FAM234A: variants seen among roughly 807,000 people sequenced by gnomAD.
The protein encoded by FAM234A is protein FAM234A.
In FAM234A, 42 loss-of-function variants were observed where a neutral mutation model predicts 49.1. The observed-to-expected ratio is 0.86, with a 90% confidence interval of 0.67 to 1.11. The LOEUF is 1.11. FAM234A is among the 50% of genes least tolerant of loss of function. The pLI is 0.00. For synonymous variants in FAM234A, 369 were observed against 316.2 expected, an observed-to-expected ratio of 1.17 and a Z score of -1.77; for missense variants, 815 against 745.2, an observed-to-expected ratio of 1.09 and a Z score of -1.09.
At chr16:269,421 C>G (rs757266553), downstream of FAM234A, 3 of 1,590,252 alleles carry the variant, frequency 1.9e-6, no homozygotes, top group South Asian at 3.4e-5. Flanking sequence ...GGCTGGCCAG[C>G]TGGTGTCCTG....
downstream of FAM234A, chr16:269,026 C>T: frequency 7.8e-7 from 1 of 1,289,210 alleles, no homozygotes; most frequent in Non-Finnish European, 1.1e-6. Flanking sequence ...CTGCCCTGAC[C>T]CAAGCTGAGC....
intron 2 of FAM234A, among the ~76,000 whole-genome samples, chr16:251,378 T>G (rs183637761): frequency 1.4e-4 from 22 of 152,218 alleles, no homozygotes; most frequent in African/African-American, 3.9e-4. Context: ...GGTTTTTTTT[T>G]GTTTTGTTTT....
At chr16:249,986 C>T (rs997691999) in intron 2 of FAM234A, among the ~76,000 whole-genome samples, 7 of 152,156 alleles carry the variant, frequency 4.6e-5, no homozygotes, top group African/African-American at 1.7e-4. Context: ...CGCTCTGTCG[C>T]CCAGGCTGGA....
chr16:263,573 C>T (rs1332668580), intron 9 of FAM234A, 127 bp from the exon 10 acceptor site: 21 of 1,275,036 alleles, frequency 1.6e-5, no homozygotes, highest in Non-Finnish European at 2.1e-5. Flanking sequence ...GACGTCGGCT[C>T]CGTGTCCTGG....
intron 11 of FAM234A, 107 bp downstream of exon 11, chr16:264,278 C>T (rs1275694040): frequency 2.5e-6 from 3 of 1,207,982 alleles, no homozygotes; most frequent in Non-Finnish European, 3.4e-6. Context: ...TGGGCAACCT[C>T]ACATAAGTTG....
At position 262,176 on chromosome 16, in the gene FAM234A, C is replaced by T. The variant is rs773019910; in HGVS notation, c.792C>T (p.Phe264=). 2.4e-5 allele frequency: 38 copies of T among 1,613,848 alleles called. No homozygotes were observed. Among genetic ancestry groups the T allele is most frequent in the Non-Finnish European group, 2.8e-5 (33 of 1,180,038 alleles). The stretch of plus-strand genomic sequence containing the variant: ...TTGGTGTGGACGGGGAAAGTGGCTT[C>T]CTCCTTCACGTCACCAGGACAGGTG... ...GSLGVDGESG[F]LLHVTRTGAH... Residue 264 remains phenylalanine, a synonymous_variant, in exon 7 of 13, where the codon TTC becomes TTT. Transcript: ENST00000399932.
chr16:245,614 G>A (rs2050777560), intron 1 of FAM234A, among the ~76,000 whole-genome samples: 1 of 152,014 alleles, frequency 6.6e-6, no homozygotes, highest in African/African-American at 2.4e-5. Flanking sequence ...TGGAAGAATT[G>A]TCTTGGGCCA....
chr16:239,550 G>A (rs1259805467), intron 1 of FAM234A, among the ~76,000 whole-genome samples: 3 of 150,240 alleles, frequency 2.0e-5, no homozygotes, highest in African/African-American at 4.9e-5. Context: ...AGGAGGCGGA[G>A]CTTGCAATGA....
At position 254,818 on chromosome 16, in the gene FAM234A, A is replaced by G. The variant is rs1282028709; in HGVS notation, c.268+137A>G. The G allele has an allele frequency of 1.7e-5, 15 of 869,692 alleles. No homozygotes were observed. The Admixed American group carries it at 2.9e-4, about 17-fold the overall frequency. 53.9% of individuals were successfully genotyped at this position (869,692 alleles called of 1,614,324 possible). A position where few individuals can be genotyped will look rare whatever the true frequency, so the allele number is the denominator to read the frequency against. ...TCAATCCCAAGAGGCTGCCAGTTCT[A>G]TGTCCAAGGTTTTCCCGGAGTTTTA... On this transcript the variant is annotated intron_variant, in intron 3 of 12. Coordinates refer to ENST00000399932, the MANE Select transcript of FAM234A (RefSeq NM_032039.4).
chr16:262,262 TC>T, intron 7 of FAM234A, 37 bp downstream of exon 7: 1 of 1,610,256 alleles, frequency 6.2e-7, no homozygotes, highest in Non-Finnish European at 8.5e-7. Context: ...CCAGCCTCAC[TC>T]GTGGAGCATG....
intron 11 of FAM234A, 32 bp downstream of exon 11, chr16:264,203 G>A: frequency 6.4e-7 from 1 of 1,562,804 alleles, no homozygotes; most frequent in Non-Finnish European, 8.6e-7. Context: ...CAGCCATGCT[G>A]GGAGCCGGGG....
intron 9 of FAM234A, 110 bp downstream of exon 9, chr16:263,512 G>A: frequency 1.4e-6 from 2 of 1,467,766 alleles, no homozygotes; most frequent in Non-Finnish European, 1.8e-6. Context: ...CGGAGGCCGT[G>A]TGCTGCTGCC....
chr16:244,432 C>T (rs1306821645), intron 1 of FAM234A, among the ~76,000 whole-genome samples: 5 of 152,152 alleles, frequency 3.3e-5, no homozygotes, highest in African/African-American at 1.2e-4. Flanking sequence ...AAAAGGACTC[C>T]TGCCTTTGGA....
chr16:261,656 C>A, intron 6 of FAM234A, 142 bp downstream of exon 6: 2 of 1,020,894 alleles, frequency 2.0e-6, no homozygotes, highest in Non-Finnish European at 2.8e-6. Context: ...CCCACGTTCC[C>A]AACTCCCATA....
chr16:255,600 T>C (rs2051200489), intron 3 of FAM234A, among the ~76,000 whole-genome samples: 1 of 152,204 alleles, frequency 6.6e-6, no homozygotes, highest in Non-Finnish European at 1.5e-5. Flanking sequence ...TCATTATCTT[T>C]GCCATCACTC....
At chr16:260,624 C>A (rs765955089) in intron 5 of FAM234A, 2 of 473,196 alleles carry the variant, frequency 4.2e-6, no homozygotes. Flanking sequence ...CGTGGAAGGA[C>A]GAGGGAAAGA....
chr16:244,248 G>T (rs150631071), intron 1 of FAM234A, among the ~76,000 whole-genome samples: 4 of 152,284 alleles, frequency 2.6e-5, no homozygotes, highest in Middle Eastern at 3.4e-3. Context: ...GATTACAGGC[G>T]TGAGCCACCG....
intron 11 of FAM234A, 42 bp downstream of exon 11, chr16:264,213 G>A (rs777969465): frequency 6.7e-5 from 104 of 1,547,060 alleles, no homozygotes; most frequent in South Asian, 1.4e-4. Context: ...GGGAGCCGGG[G>A]CCAGAGACCC....
intron 1 of FAM234A, among the ~76,000 whole-genome samples, chr16:235,611 G>A (rs1022354748): frequency 6.6e-5 from 10 of 152,254 alleles, no homozygotes; most frequent in Middle Eastern, 3.4e-3. Context: ...GCTGTGACGC[G>A]CTCCCTTCCA....
Sources: gnomAD v4.1 joint callset for allele counts (sites outside exome capture counted in the v4.1 genomes callset) on GRCh38, gnomAD v4.1.1 for gene constraint, MANE v1.5 for transcripts, NCBI Gene and HGNC (gene_info 2026-07-23, HGNC 2026-07-21) for gene names.